The following TBC1D2 variants were observed in gnomAD, a reference collection of about 807,000 sequenced individuals.
The protein encoded by TBC1D2 is TBC1 domain family member 2A.
In TBC1D2, 58 loss-of-function variants were observed where a neutral mutation model predicts 91.1. That is an observed-to-expected ratio of 0.64 (90% confidence interval 0.52 to 0.79). The LOEUF is 0.79. Among genes scored for constraint, TBC1D2 ranks in the 30% least tolerant of loss-of-function variants. The probability of loss-of-function intolerance (pLI) is 0.00; values close to 1 mark genes in which losing one functional copy is unlikely to be tolerated. For synonymous variants in TBC1D2, 482 were observed against 511.5 expected, an observed-to-expected ratio of 0.94 and a Z score of 0.78; for missense variants, 1,080 against 1,208.3, an observed-to-expected ratio of 0.89 and a Z score of 1.57.
intron 5 of TBC1D2, among the ~76,000 whole-genome samples, chr9:98,224,864 G>A (rs1162414885): frequency 6.6e-6 from 1 of 152,000 alleles, no homozygotes; most frequent in African/African-American, 2.4e-5. Context: ...TAGCTCAGGT[G>A]GCCTCTTCAT....
At chr9:98,220,305 A>G (rs1422571354) in intron 6 of TBC1D2, among the ~76,000 whole-genome samples, 7 of 152,180 alleles carry the variant, frequency 4.6e-5, no homozygotes, top group Non-Finnish European at 8.8e-5. Flanking sequence ...GGCTGGCGCG[A>G]GGACTAAATG....
chr9:98,240,166 G>T (rs10985572), intron 3 of TBC1D2, among the ~76,000 whole-genome samples: 1 of 137,856 alleles, frequency 7.3e-6, no homozygotes, highest in Non-Finnish European at 1.7e-5. Flanking sequence ...GTGTTTGTGT[G>T]GTGTGTGTGT....
rs1160061334 is a variant in TBC1D2, at chr9:98,233,499, T to G, written c.698A>C (p.His233Pro). ...RGNKQAQGTG[H>P]EPPGEDSPQS... ...TGGAGAATCTTCCCCTGGAGGTTCA[T>G]GGCCTGTTCCCTGGGCCTGCTTGTT... The change falls in exon 4 of 13, where the codon CAT becomes CCT. Residue 233 changes from histidine to proline, a missense_variant. Physicochemically the swap from His to Pro is moderately conservative, Grantham distance 77 (BLOSUM62 -2). Coordinates refer to ENST00000465784, the MANE Select transcript of TBC1D2 (RefSeq NM_001267571.2). 8.7e-6 allele frequency: 14 copies of G among 1,614,200 alleles called. No homozygotes were observed. The highest frequency in any genetic ancestry group is 1.2e-5 in the Non-Finnish European group (14 of 1,180,010).
At position 98,239,322 on chromosome 9, in the gene TBC1D2, G is replaced by A. The variant is rs1285212166; in HGVS notation, c.647+4672C>T. 3.3e-5 allele frequency among the ~76,000 whole-genome samples: 5 copies of A among 152,104 alleles called. No individual in the cohort carries two copies. In the East Asian group the frequency reaches 9.6e-4, roughly 29 times the overall value. ...CCCACCTTGTCCTCCCCAAGTTCCG[G>A]GTTTACAGGCAAGATCCACTGCGCC... On this transcript the variant is annotated intron_variant, in intron 3 of 12. Coordinates refer to ENST00000465784, the MANE Select transcript of TBC1D2 (RefSeq NM_001267571.2).
At chr9:98,240,023 C>T (rs931821693) in intron 3 of TBC1D2, among the ~76,000 whole-genome samples, 9 of 152,116 alleles carry the variant, frequency 5.9e-5, no homozygotes, top group African/African-American at 2.4e-5. Flanking sequence ...GCAATGCTCT[C>T]TTTTGTTCTT....
At chr9:98,210,292 C>T (rs931854501) in intron 8 of TBC1D2, among the ~76,000 whole-genome samples, 1 of 152,214 alleles carries the variant, frequency 6.6e-6, no homozygotes, top group African/African-American at 2.4e-5. Context: ...TTATATTTAA[C>T]TGCCCATGTC....
chr9:98,209,233 T>C, intron 8 of TBC1D2, 89 bp from the exon 9 acceptor site: 1 of 1,307,066 alleles, frequency 7.7e-7, no homozygotes, highest in Admixed American at 1.8e-5. Context: ...CAGGCCAGGT[T>C]CCTGCCCTGC....
At chr9:98,223,824 CTTGTAAGA>C (rs930528891) in intron 5 of TBC1D2, among the ~76,000 whole-genome samples, 12 of 152,298 alleles carry the variant, frequency 7.9e-5, no homozygotes, top group Admixed American at 7.8e-4. Flanking sequence ...CTCAGTAGGA[CTTGTAAGA>C]TGAGGAGTGA....
intron 4 of TBC1D2, 58 bp downstream of exon 4, chr9:98,233,358 T>C: frequency 6.4e-7 from 1 of 1,555,996 alleles, no homozygotes; most frequent in East Asian, 2.3e-5. Context: ...AGAAGGCACT[T>C]GTGCCAGCCG....
chr9:98,203,183 G>A, intron 10 of TBC1D2, 105 bp downstream of exon 10: 5 of 1,526,552 alleles, frequency 3.3e-6, no homozygotes, highest in Non-Finnish European at 4.4e-6. Context: ...AGGGAGAAAT[G>A]GAAGCCCGAG....
intron 6 of TBC1D2, among the ~76,000 whole-genome samples, chr9:98,214,844 AAC>A (rs1267003580): frequency 6.6e-6 from 1 of 152,042 alleles, no homozygotes; most frequent in Non-Finnish European, 1.5e-5. Context: ...CAGGGGAGGG[AAC>A]GAATGCCCCC....
chr9:98,243,913 G>A, intron 3 of TBC1D2, 81 bp downstream of exon 3: 1 of 1,526,820 alleles, frequency 6.5e-7, no homozygotes, highest in South Asian at 1.2e-5. Flanking sequence ...CCATCTCCCT[G>A]CAGGAGAATC....
intron 3 of TBC1D2, among the ~76,000 whole-genome samples, chr9:98,239,616 A>G (rs1366249433): frequency 2.6e-5 from 4 of 152,336 alleles, no homozygotes; most frequent in African/African-American, 9.6e-5. Context: ...CATAAGGGAT[A>G]TTGGTCTGTA....
At chr9:98,248,733 G>A (rs1456893418) in intron 2 of TBC1D2, among the ~76,000 whole-genome samples, 1 of 152,218 alleles carries the variant, frequency 6.6e-6, no homozygotes, top group Non-Finnish European at 1.5e-5. Context: ...CGCATGTAAA[G>A]TGTTGGGGCA....
At chr9:98,218,295 G>A (rs866986384) in intron 6 of TBC1D2, among the ~76,000 whole-genome samples, 7 of 152,062 alleles carry the variant, frequency 4.6e-5, no homozygotes, top group South Asian at 2.1e-4. Context: ...GGCCAGGTGC[G>A]GTGGCTCACA....
intron 7 of TBC1D2, 140 bp downstream of exon 7, chr9:98,212,968 A>C: frequency 1.2e-6 from 1 of 867,690 alleles, no homozygotes; most frequent in Non-Finnish European, 1.8e-6. Flanking sequence ...GAAGAACCTG[A>C]TATGGGCCCT....
In TBC1D2 at chr9:98,201,573, A is replaced by C; in HGVS notation, c.2363T>G (p.Val788Gly). 1.9e-6 allele frequency: 3 copies of C among 1,614,158 alleles called. No homozygotes were observed. The highest frequency in any genetic ancestry group is 2.5e-6 in the Non-Finnish European group (3 of 1,180,026). The stretch of plus-strand genomic sequence containing the variant: ...GACCACGAGGAACCAGTTGAAGGTG[A>C]CGAGGGAGAGATCCACGTGGTGCTG... ...LGQHHVDLSL[V>G]TFNWFLVVFA... The change falls in exon 11 of 13, where the codon GTC becomes GGC. Residue 788 changes from valine to glycine, a missense_variant. Coordinates refer to ENST00000465784, the MANE Select transcript of TBC1D2 (RefSeq NM_001267571.2).
chr9:98,200,883 T>C (rs1027935908), intron 11 of TBC1D2, among the ~76,000 whole-genome samples: 2 of 151,900 alleles, frequency 1.3e-5, no homozygotes, highest in African/African-American at 4.8e-5. Context: ...AGGTATGGTG[T>C]TGCATGCCTG....
intron 5 of TBC1D2, among the ~76,000 whole-genome samples, chr9:98,225,584 C>T (rs922777135): frequency 6.6e-6 from 1 of 152,224 alleles, no homozygotes; most frequent in Non-Finnish European, 1.5e-5. Flanking sequence ...CACCCAACTC[C>T]TCTGAGCTCC....
Sources: gnomAD v4.1 joint callset for allele counts (sites outside exome capture counted in the v4.1 genomes callset) on GRCh38, gnomAD v4.1.1 for gene constraint, MANE v1.5 for transcripts, NCBI Gene and HGNC (gene_info 2026-07-23, HGNC 2026-07-21) for gene names.